Variants in EGLN1 observed in about 807,000 individuals in gnomAD.
EGLN1 encodes the protein egl nine homolog 1.
A neutral mutation model predicts 38.3 loss-of-function variants in EGLN1; 17 were observed. The observed-to-expected ratio is 0.44, with a 90% CI of 0.30 to 0.67. The LOEUF (loss-of-function observed/expected upper bound fraction) is 0.67, where lower values mean the gene tolerates loss of function less well. Among genes scored for constraint, EGLN1 ranks in the 30% least tolerant of loss-of-function variants. EGLN1 has a pLI of 0.08. For missense variants in EGLN1, 477 were observed against 603.3 expected, an observed-to-expected ratio of 0.79 and a Z score of 2.19; for synonymous variants, 283 against 257.5, an observed-to-expected ratio of 1.10 and a Z score of -0.95.
chr1:231,367,279 G>A (rs1194157134), intron 4 of EGLN1, among the ~76,000 whole-genome samples: 2 of 152,190 alleles, frequency 1.3e-5, no homozygotes, highest in Non-Finnish European at 2.9e-5. Flanking sequence ...CTAGAGTTAA[G>A]TGGCCTTTGA....
intron 1 of EGLN1, among the ~76,000 whole-genome samples, chr1:231,382,562 T>C (rs904973818): frequency 6.6e-6 from 1 of 152,228 alleles, no homozygotes; most frequent in Non-Finnish European, 1.5e-5. Context: ...ACACACTGTA[T>C]AGGGACCACT....
At chr1:231,368,355 A>G (rs938511718) in intron 3 of EGLN1, among the ~76,000 whole-genome samples, 1 of 152,242 alleles carries the variant, frequency 6.6e-6, no homozygotes, top group African/African-American at 2.4e-5. Context: ...ACATTATAGC[A>G]AAGAGTAATG....
At chr1:231,380,912 CCTA>C (rs1558382636) in intron 1 of EGLN1, among the ~76,000 whole-genome samples, 1 of 151,948 alleles carries the variant, frequency 6.6e-6, no homozygotes, top group East Asian at 1.9e-4. Flanking sequence ...TAATCTTTTC[CCTA>C]CTGAGTTATT....
chr1:231,393,542 T>C (rs115723256), intron 1 of EGLN1, among the ~76,000 whole-genome samples: 4,870 of 152,236 alleles, frequency 0.032, 262 homozygotes, highest in African/African-American at 0.11. Context: ...AGAGGATAAA[T>C]GACAATATAA....
chr1:231,387,236 T>TACAA (rs1553352260), intron 1 of EGLN1, among the ~76,000 whole-genome samples: 1 of 36,654 alleles, frequency 2.7e-5, no homozygotes, highest in Non-Finnish European at 1.2e-4. Flanking sequence ...TATATATGTA[T>TACAA]ACACACACAC....
chr1:231,421,814 C>T lies in EGLN1; in HGVS notation c.75G>A (p.Gly25=). 4 of 1,553,570 alleles carry T rather than the reference C, an allele frequency of 2.6e-6. No individual in the cohort carries two copies. Among genetic ancestry groups the T allele is most frequent in the Non-Finnish European group, 8.6e-7 (1 of 1,160,002 alleles). Residue 25 remains glycine (G), a synonymous_variant, in exon 1 of 5, where the codon GGG becomes GGA. Transcript: ENST00000366641. The surrounding 1 kb of genome is among the most constrained non-coding windows in gnomAD (Gnocchi z 5.5). Reference sequence around the variant, plus strand: ...TGCAGCGCAGCAGGTTCTCCATCTTCCCGCACAGCTCGCAGTACTGCCGGT... The same window carrying T: ...TGCAGCGCAGCAGGTTCTCCATCTTTCCGCACAGCTCGCAGTACTGCCGGT... The part of the protein sequence containing the change: ...ERDRQYCELC[G]KMENLLRCSR...
At chr1:231,372,365 CA>C (rs1238866128) in intron 2 of EGLN1, among the ~76,000 whole-genome samples, 2 of 152,142 alleles carry the variant, frequency 1.3e-5, no homozygotes, top group Non-Finnish European at 2.9e-5. Flanking sequence ...ATTCTACACA[CA>C]AAAACACTAG....
At position 231,421,528 on chromosome 1, in the gene EGLN1, C is replaced by G; in HGVS notation, c.361G>C (p.Ala121Pro). The change falls in exon 1 of 5, where the codon GCG becomes CCG. Residue 121 changes from alanine to proline, a missense_variant. By Grantham distance (27) the Ala-to-Pro change is conservative (BLOSUM62 -1). Around this residue, in one of 4 missense-constraint regions of EGLN1, gnomAD observed 298 missense variants for 288.9 expected, o/e 1.03. Transcript: ENST00000366641. This position sits in a 1 kb window ranked among gnomAD's most constrained non-coding sequence, Gnocchi z 5.5. ...KVKAKPPADP[A>P]AAASPCRAAA... The stretch of plus-strand genomic sequence containing the variant: ...GCACGACACGGCGACGCGGCCGCCG[C>G]TGGGTCGGCCGGGGGCTTGGCCTTT... 1 of 1,301,426 alleles carries G rather than the reference C, an allele frequency of 7.7e-7. No individual in the cohort carries two copies. The highest frequency in any genetic ancestry group is 3.2e-5 in the East Asian group (1 of 31,356). 80.6% of individuals were successfully genotyped at this position (1,301,426 alleles called of 1,614,324 possible). A position where few individuals can be genotyped will look rare whatever the true frequency, so the allele number is the denominator to read the frequency against.
intron 1 of EGLN1, among the ~76,000 whole-genome samples, chr1:231,390,654 A>G (rs754516937): frequency 1.3e-5 from 2 of 152,214 alleles, no homozygotes; most frequent in Non-Finnish European, 2.9e-5. Context: ...AAAATGCCTG[A>G]TAGATTGAAG....
intron 1 of EGLN1, among the ~76,000 whole-genome samples, chr1:231,415,899 G>A (rs1016405607): frequency 3.3e-5 from 5 of 151,330 alleles, no homozygotes; most frequent in African/African-American, 9.7e-5. Context: ...CCGGGCTGGA[G>A]TGCAGTGGCA....
At position 231,363,821 on chromosome 1, in the gene EGLN1, T is replaced by A. The variant is rs1687562886; in HGVS notation, c.*2590A>T. On this transcript the variant is annotated 3_prime_UTR_variant, in exon 5 of 5. Coordinates refer to ENST00000366641, the MANE Select transcript of EGLN1 (RefSeq NM_022051.3). ...TACAAGCAACTTGAGAGCTCTTTCA[T>A]AATGAAACACTGCTTTTCAAATTAC... 1 of 152,236 alleles carries A rather than the reference T, an allele frequency of 6.6e-6. No individual in the cohort carries two copies. The highest frequency in any genetic ancestry group is 2.4e-5 in the African/African-American group (1 of 41,462). 9.4% of individuals were successfully genotyped at this position (152,236 alleles called of 1,614,324 possible).
At position 231,421,967 on chromosome 1, in the gene EGLN1, G is replaced by C. The variant is rs1656646293; in HGVS notation, c.-79C>G. The C allele has an allele frequency of 1.5e-6, 2 of 1,312,248 alleles. No homozygotes were observed. The highest frequency in any genetic ancestry group is 1.9e-6 in the Non-Finnish European group (2 of 1,036,846). 81.3% of individuals were successfully genotyped at this position (1,312,248 alleles called of 1,614,324 possible). On this transcript the variant is annotated 5_prime_UTR_variant, in exon 1 of 5. Transcript: ENST00000366641. This position sits in a 1 kb window ranked among gnomAD's most constrained non-coding sequence, Gnocchi z 5.5. ...GGCCGGACGGCCTCGCCCGAGGCTGGGGAGCGGGGAGAGAGATAGGGGCCG... is the reference window on the plus strand; with the variant it reads ...GGCCGGACGGCCTCGCCCGAGGCTGCGGAGCGGGGAGAGAGATAGGGGCCG...
chr1:231,392,168 T>C (rs1688407458), intron 1 of EGLN1, among the ~76,000 whole-genome samples: 1 of 152,050 alleles, frequency 6.6e-6, no homozygotes, highest in South Asian at 2.1e-4. Context: ...GCGCCTGTAG[T>C]CCCAGCTACT....
At chr1:231,393,570 A>G (rs1688446971) in intron 1 of EGLN1, among the ~76,000 whole-genome samples, 2 of 152,234 alleles carry the variant, frequency 1.3e-5, no homozygotes, top group African/African-American at 2.4e-5. Context: ...AGTCTTCTTC[A>G]TAACAATGAA....
intron 1 of EGLN1, among the ~76,000 whole-genome samples, chr1:231,418,214 T>C (rs1311654217): frequency 1.3e-5 from 2 of 152,168 alleles, no homozygotes; most frequent in Non-Finnish European, 2.9e-5. Flanking sequence ...GGTGGATAAA[T>C]ACAAAAGTGG....
At chr1:231,416,702 C>G (rs902486453) in intron 1 of EGLN1, among the ~76,000 whole-genome samples, 1 of 152,054 alleles carries the variant, frequency 6.6e-6, no homozygotes, top group Non-Finnish European at 1.5e-5. Context: ...AAATTCCTTT[C>G]GAACTAAAGG....
chr1:231,407,377 C>G (rs147958727), intron 1 of EGLN1, among the ~76,000 whole-genome samples: 1 of 152,254 alleles, frequency 6.6e-6, no homozygotes, highest in East Asian at 1.9e-4. Flanking sequence ...CCTCCTTCCA[C>G]GTAATTGACA....
At chr1:231,413,513 A>G (rs140444211) in intron 1 of EGLN1, among the ~76,000 whole-genome samples, 1 of 152,280 alleles carries the variant, frequency 6.6e-6, no homozygotes, top group African/African-American at 2.4e-5. Flanking sequence ...TCTTATCTAA[A>G]AGAGTACTCC....
intron 4 of EGLN1, among the ~76,000 whole-genome samples, chr1:231,366,915 G>C (rs916208410): frequency 1.3e-5 from 2 of 152,172 alleles, no homozygotes; most frequent in South Asian, 2.1e-4. Flanking sequence ...GTGGATTTTT[G>C]GAGATAGAAA....
Sources: gnomAD v4.1 joint callset for allele counts (sites outside exome capture counted in the v4.1 genomes callset) on GRCh38, gnomAD v4.1.1 for gene constraint, gnomAD v4.1.1 regional missense constraint, Gnocchi (gnomAD v3.1) non-coding constraint, MANE v1.5 for transcripts, NCBI Gene and HGNC (gene_info 2026-07-23, HGNC 2026-07-21) for gene names.